LRP5: variants seen among roughly 807,000 people sequenced by gnomAD.
LRP5 encodes low-density lipoprotein receptor-related protein 5.
Under a neutral mutation model 154.1 loss-of-function variants are expected in LRP5, and 62 were observed. The observed-to-expected ratio is 0.40, with a 90% confidence interval of 0.33 to 0.50. LRP5 has a LOEUF of 0.50. Among genes scored for constraint, LRP5 ranks in the 20% least tolerant of loss-of-function variants. LRP5 has a pLI of 0.55. For synonymous variants in LRP5, 966 were observed against 1,011.5 expected (o/e 0.96, Z 0.85); for missense variants, 1,915 against 2,336.7 (o/e 0.82, Z 3.72).
At chr11:68,338,051 G>A (rs536601607) in intron 1 of LRP5, among the ~76,000 whole-genome samples, 2 of 152,164 alleles carry the variant, frequency 1.3e-5, no homozygotes, top group African/African-American at 4.8e-5. Context: ...TGTATATCCT[G>A]CCCAACTAAC....
At chr11:68,435,229 G>A (rs1036967100) in intron 18 of LRP5, among the ~76,000 whole-genome samples, 9 of 152,230 alleles carry the variant, frequency 5.9e-5, no homozygotes, top group Non-Finnish European at 1.3e-4. Context: ...AGCATGTGCT[G>A]TGTGTGTGAT....
At chr11:68,336,048 G>A (rs1431300169) in intron 1 of LRP5, among the ~76,000 whole-genome samples, 1 of 152,232 alleles carries the variant, frequency 6.6e-6, no homozygotes, top group Non-Finnish European at 1.5e-5. Flanking sequence ...TCCATCAGCA[G>A]AGAGGCCTAG....
rs76028506 is a variant in LRP5 at position 68,324,201 on chromosome 11, T to C, written c.91+11396T>C. On this transcript the variant is annotated intron_variant, in intron 1 of 22. Coordinates refer to ENST00000294304, the MANE Select transcript of LRP5 (RefSeq NM_002335.4). ...CCCCAAGTGCGGCGTTGCCTGTCCC[T>C]GTGGAGCAGGTGACTACCTGGCTGC... 5.3e-4 allele frequency among the ~76,000 whole-genome samples: 81 copies of C among 152,366 alleles called. No individual in the cohort carries two copies. The East Asian group carries it at 0.012, about 22-fold the overall frequency.
Position 68,449,220 on chromosome 11 carries a change from T to G in LRP5, c.*150T>G. The G allele has an allele frequency of 4.8e-4, 164 of 340,544 alleles. No homozygotes were observed. The highest frequency in any genetic ancestry group is 1.1e-3 in the East Asian group (19 of 17,844). 21.1% of individuals were successfully genotyped at this position (340,544 alleles called of 1,614,324 possible). A position where few individuals can be genotyped will look rare whatever the true frequency, so the allele number is the denominator to read the frequency against. ...TGAACTGTGATGGGGTGGGCAGGGC[T>G]GGGAGAACTTTGTACAGTGGAGAAA... is the stretch of plus-strand genomic sequence containing the variant. On this transcript the variant is annotated 3_prime_UTR_variant, in exon 23 of 23. Coordinates refer to ENST00000294304, the MANE Select transcript of LRP5 (RefSeq NM_002335.4).
chr11:68,298,770 G>A, the LRP5 span, among the ~76,000 whole-genome samples: 23 of 152,132 alleles, frequency 1.5e-4, no homozygotes, highest in African/African-American at 2.2e-4. Context: ...GACCTCCCAC[G>A]CTTGCCCTCA....
At chr11:68,373,334 G>A (rs368515057) in intron 5 of LRP5, among the ~76,000 whole-genome samples, 1 of 152,194 alleles carries the variant, frequency 6.6e-6, no homozygotes, top group Admixed American at 6.5e-5. Context: ...GGGACAGGGA[G>A]CAGCGTTCCC....
At chr11:68,373,085 A>G (rs758655078) in intron 5 of LRP5, among the ~76,000 whole-genome samples, 3 of 152,152 alleles carry the variant, frequency 2.0e-5, no homozygotes, top group Non-Finnish European at 4.4e-5. Context: ...CGGCGCTAGC[A>G]TGGCTGGAAA....
In LRP5 at chr11:68,417,363, C is replaced by G. The variant is rs539359332; in HGVS notation, c.3027+836C>G. On this transcript the variant is annotated intron_variant, in intron 13 of 22. Coordinates refer to ENST00000294304, the MANE Select transcript of LRP5 (RefSeq NM_002335.4). ...AGTTTTTTGCATTCACTTAATGTTTCTCGTGGAGGAAATTGTGCATGAGCA... is the reference window on the plus strand; with the variant it reads ...AGTTTTTTGCATTCACTTAATGTTTGTCGTGGAGGAAATTGTGCATGAGCA... Among the ~76,000 whole-genome samples, 4 of 146,454 alleles carry G rather than the reference C, an allele frequency of 2.7e-5. No individual in the cohort carries two copies. In the East Asian group the frequency reaches 8.4e-4, roughly 31 times the overall value.
intron 21 of LRP5, among the ~76,000 whole-genome samples, chr11:68,442,247 G>A (rs772460914): frequency 6.6e-5 from 10 of 152,208 alleles, no homozygotes; most frequent in Non-Finnish European, 2.9e-5. Flanking sequence ...CACTGATAAC[G>A]ATTCTTTCAC....
rs1395621273 is a variant in LRP5 at position 68,409,051 on chromosome 11, G to GGAAAAAA, written c.2092-863_2092-862insGAAAAAA. ...AGCGACAGAGCAAGACTTATCTGGG[G>GGAAAAAA]AAAAAAAAAAAAAAAAAAAAAAATA... On this transcript the variant is annotated intron_variant, in intron 9 of 22. Transcript: ENST00000294304. Among the ~76,000 whole-genome samples, 33 of 51,420 alleles carry GGAAAAAA rather than the reference G, an allele frequency of 6.4e-4. 1 individual carries two copies. The highest frequency in any genetic ancestry group is 1.8e-3 in the African/African-American group (20 of 11,008). The allele number at this position is 51,420 out of a possible 152,430, so 33.7% of individuals were successfully genotyped here. A position where few individuals can be genotyped will look rare whatever the true frequency, so the allele number is the denominator to read the frequency against.
chr11:68,340,196 C>T (rs768656957), intron 1 of LRP5, among the ~76,000 whole-genome samples: 14 of 152,174 alleles, frequency 9.2e-5, no homozygotes, highest in East Asian at 5.8e-4. Context: ...GCTGAGATTG[C>T]GCCATCATAC....
chr11:68,320,110 A>G (rs1036044853), intron 1 of LRP5, among the ~76,000 whole-genome samples: 6 of 152,196 alleles, frequency 3.9e-5, no homozygotes, highest in African/African-American at 1.4e-4. Flanking sequence ...GCAGTAAGCC[A>G]TGATCACAGC....
intron 5 of LRP5, among the ~76,000 whole-genome samples, chr11:68,367,692 C>T (rs1444855553): frequency 4.6e-5 from 7 of 152,224 alleles, no homozygotes; most frequent in South Asian, 2.1e-4. Flanking sequence ...GGGCTCATGA[C>T]GGCAGGGAGT....
rs769238374 is a variant in LRP5, at chr11:68,371,147, T to TA, written c.1015+5446dup. Among the ~76,000 whole-genome samples the TA allele has an allele frequency of 1.2e-4, 18 of 152,280 alleles. No individual in the cohort carries two copies. In the South Asian group the frequency reaches 3.7e-3, roughly 32 times the overall value. On this transcript the variant is annotated intron_variant, in intron 5 of 22. Coordinates refer to ENST00000294304, the MANE Select transcript of LRP5 (RefSeq NM_002335.4). ...GTTCCAGGGGCAGCTGGTGTGGAAA[T>TA]AGAGTTTTCTAGAGGTTTTAGAGTT...
intron 10 of LRP5, 67 bp from the exon 11 acceptor site, chr11:68,411,369 C>G (rs528891641): frequency 1.1e-3 from 1,719 of 1,551,340 alleles, no homozygotes; most frequent in Non-Finnish European, 1.4e-3. Flanking sequence ...TTGCGTCCCC[C>G]CGCCACCCAC....
intron 8 of LRP5, among the ~76,000 whole-genome samples, chr11:68,405,305 T>C (rs1407738942): frequency 2.0e-5 from 3 of 151,456 alleles, no homozygotes; most frequent in Admixed American, 2.0e-4. Flanking sequence ...ACCTCATCTC[T>C]ACCAGAAAAA....
At chr11:68,438,326 T>C (rs1591327952) in intron 19 of LRP5, 120 bp from the exon 20 acceptor site, 1 of 998,074 alleles carries the variant, frequency 1.0e-6, no homozygotes. Flanking sequence ...TCCCCCACTT[T>C]CTCCCCACCC....
At chr11:68,383,251 G>C (rs146941059) in intron 5 of LRP5, among the ~76,000 whole-genome samples, 1,717 of 152,296 alleles carry the variant, frequency 0.011, 35 homozygotes, top group African/African-American at 0.04. Context: ...TTGGGATCAA[G>C]TGCCGGTTTC....
chr11:68,416,318 C>T lies in LRP5; in HGVS notation c.2828-10C>T, dbSNP rs2098662518. On this transcript the variant is annotated splice_polypyrimidine_tract_variant and intron_variant, in intron 12 of 22. Coordinates refer to ENST00000294304, the MANE Select transcript of LRP5 (RefSeq NM_002335.4). ...ACACCCACCTGCAGCCCTGTCTTTG[C>T]CTCCTCTAGCGCCCACCACCTTCTT... 1 of 1,613,548 alleles carries T rather than the reference C, an allele frequency of 6.2e-7. No homozygotes were observed. Among genetic ancestry groups the T allele is most frequent in the Non-Finnish European group, 8.5e-7 (1 of 1,179,740 alleles).
Sources: gnomAD v4.1 joint callset for allele counts (sites outside exome capture counted in the v4.1 genomes callset) on GRCh38, gnomAD v4.1.1 for gene constraint, MANE v1.5 for transcripts, NCBI Gene and HGNC (gene_info 2026-07-23, HGNC 2026-07-21) for gene names.